AGBL1: variants seen among roughly 807,000 people sequenced by gnomAD.
AGBL1 encodes the protein AGBL carboxypeptidase 1, also known as cytosolic carboxypeptidase 4.
AGBL1 carries 130 observed loss-of-function variants against 118.9 expected under a neutral mutation model. The observed-to-expected ratio is 1.09, with a 90% CI of 0.95 to 1.26. The LOEUF (loss-of-function observed/expected upper bound fraction) is 1.26. Among genes scored for constraint, AGBL1 ranks in the 50% most tolerant of loss-of-function variants. The probability of loss-of-function intolerance (pLI) is 0.00; values close to 1 mark genes in which losing one functional copy is unlikely to be tolerated. For synonymous variants in AGBL1, 555 were observed against 478.9 expected (o/e 1.16, Z -2.08); for missense variants, 1,584 against 1,298.1 (o/e 1.22, Z -3.38).
At chr15:86,567,678 A>G (rs140651390) in intron 21 of AGBL1, among the ~76,000 whole-genome samples, 41 of 152,162 alleles carry the variant, frequency 2.7e-4, no homozygotes, top group African/African-American at 9.4e-4. Context: ...ATGGGGGAGG[A>G]GGTGTCTTTC....
At chr15:86,249,846 A>T (rs199527894) in intron 7 of AGBL1, among the ~76,000 whole-genome samples, 1 of 152,260 alleles carries the variant, frequency 6.6e-6, no homozygotes, top group African/African-American at 2.4e-5. Context: ...GGTGGTGGAG[A>T]AAACACCAAA....
chr15:86,714,259 G>A (rs138025799), intron 22 of AGBL1, among the ~76,000 whole-genome samples: 2 of 152,246 alleles, frequency 1.3e-5, no homozygotes, highest in African/African-American at 4.8e-5. Context: ...ACTGGTGACA[G>A]GGATAAAGGA....
rs774036608 is a variant in AGBL1, at chr15:86,247,824, G to T, written c.680G>T (p.Gly227Val). The T allele has an allele frequency of 1.8e-5, 29 of 1,613,838 alleles. No homozygotes were observed. The highest frequency in any genetic ancestry group is 2.5e-5 in the Non-Finnish European group (29 of 1,179,902). ...AGGCACATTGCTGCCCTCCGGTCCG[G>T]CAGGGAGGCCTTCCTGGCAGCACAG... ...CLRHIAALRS[G>V]REAFLAAQGM... Residue 227 changes from glycine to valine, a missense_variant, in exon 7 of 23, where the codon GGC becomes GTC. Transcript: ENST00000614907.
intron 1 of AGBL1, among the ~76,000 whole-genome samples, chr15:86,128,057 C>A (rs140951306): frequency 6.6e-6 from 1 of 152,192 alleles, no homozygotes; most frequent in East Asian, 1.9e-4. Flanking sequence ...CTTAACTCAC[C>A]TGTATACCTT....
At chr15:86,166,975 A>C (rs967285937) in intron 5 of AGBL1, among the ~76,000 whole-genome samples, 1 of 152,040 alleles carries the variant, frequency 6.6e-6, no homozygotes, top group African/African-American at 2.4e-5. Flanking sequence ...GATTTCCCTC[A>C]GTTTTCCCTC....
intron 22 of AGBL1, among the ~76,000 whole-genome samples, chr15:86,871,177 G>C (rs945428400): frequency 6.6e-6 from 1 of 152,172 alleles, no homozygotes; most frequent in Non-Finnish European, 1.5e-5. Context: ...CTCATGATTT[G>C]TGGGTAGGAG....
At chr15:86,287,694 A>G (rs1289513277) in intron 16 of AGBL1, among the ~76,000 whole-genome samples, 1 of 152,150 alleles carries the variant, frequency 6.6e-6, no homozygotes, top group Admixed American at 6.6e-5. Context: ...AGAAAGCTTC[A>G]CCACTGGCAA....
intron 22 of AGBL1, among the ~76,000 whole-genome samples, chr15:86,698,318 T>C (rs1352190311): frequency 6.6e-6 from 1 of 152,032 alleles, no homozygotes; most frequent in Non-Finnish European, 1.5e-5. Context: ...CATGTTAGTT[T>C]ATTGGTTCTT....
At chr15:86,769,432 G>A (rs531545866) in intron 22 of AGBL1, among the ~76,000 whole-genome samples, 1 of 152,048 alleles carries the variant, frequency 6.6e-6, no homozygotes, top group African/African-American at 2.4e-5. Flanking sequence ...CCGAGACCCT[G>A]TGTAAACATG....
intron 22 of AGBL1, among the ~76,000 whole-genome samples, chr15:86,777,023 T>C (rs1003072851): frequency 6.6e-6 from 1 of 152,066 alleles, no homozygotes; most frequent in Non-Finnish European, 1.5e-5. Context: ...TTTAGAGGAT[T>C]ACTGCTCACA....
At chr15:86,617,790 ACACAGC>A (rs1028170535) in intron 21 of AGBL1, among the ~76,000 whole-genome samples, 1 of 146,356 alleles carries the variant, frequency 6.8e-6, no homozygotes, top group Admixed American at 7.0e-5. Context: ...ACACACACAC[ACACAGC>A]CAGCCAGAGC....
intron 24 of AGBL1, among the ~76,000 whole-genome samples, chr15:87,028,623 C>T (rs906967681): frequency 1.3e-5 from 2 of 151,790 alleles, no homozygotes; most frequent in Non-Finnish European, 2.9e-5. Context: ...AGAATTCATG[C>T]CCTCACATTC....
At chr15:86,320,322 G>A (rs950757650) in intron 17 of AGBL1, among the ~76,000 whole-genome samples, 1 of 151,630 alleles carries the variant, frequency 6.6e-6, no homozygotes, top group South Asian at 2.1e-4. Flanking sequence ...TGTATAAAGA[G>A]CTTGCTTTCA....
intron 22 of AGBL1, among the ~76,000 whole-genome samples, chr15:86,778,104 A>T (rs1401092861): frequency 6.6e-6 from 1 of 152,154 alleles, no homozygotes; most frequent in Non-Finnish European, 1.5e-5. Context: ...AGCAGGTTCC[A>T]TGATGGCCCC....
intron 22 of AGBL1, among the ~76,000 whole-genome samples, chr15:86,677,795 T>A (rs780222782): frequency 3.3e-5 from 5 of 152,046 alleles, no homozygotes; most frequent in Non-Finnish European, 5.9e-5. Flanking sequence ...AAATTCTACA[T>A]AGATATTAGA....
intron 5 of AGBL1, among the ~76,000 whole-genome samples, chr15:86,188,125 C>T (rs778028375): frequency 2.2e-4 from 33 of 152,110 alleles, no homozygotes; most frequent in Non-Finnish European, 4.4e-4. Context: ...CATATTGTTT[C>T]TGTGAATCTT....
At chr15:86,871,185 G>A (rs560121338) in intron 22 of AGBL1, among the ~76,000 whole-genome samples, 42 of 152,296 alleles carry the variant, frequency 2.8e-4, no homozygotes, top group African/African-American at 8.4e-4. Context: ...TTGTGGGTAG[G>A]AGATGGGAAC....
At chr15:86,097,326 G>A (rs556397147) in intron 1 of AGBL1, among the ~76,000 whole-genome samples, 1 of 152,098 alleles carries the variant, frequency 6.6e-6, no homozygotes, top group East Asian at 1.9e-4. Context: ...AACATTTCAG[G>A]TTCTCTCTTC....
chr15:86,278,912 C>T (rs1480674670), intron 15 of AGBL1, among the ~76,000 whole-genome samples: 1 of 152,198 alleles, frequency 6.6e-6, no homozygotes, highest in East Asian at 1.9e-4. Flanking sequence ...AAAATGTGCA[C>T]TCTCAAGCCT....
Sources: allele counts gnomAD v4.1 joint callset (sites outside exome capture counted in the v4.1 genomes callset), GRCh38; gene constraint gnomAD v4.1.1; transcripts MANE v1.5; gene names NCBI Gene and HGNC (gene_info 2026-07-23, HGNC 2026-07-21).